Variants in FANCC observed in about 807,000 individuals in gnomAD.
FANCC encodes the protein FA complementation group C.
Under a neutral mutation model 71.3 loss-of-function variants are expected in FANCC, and 55 were observed. The observed-to-expected ratio is 0.77, with a 90% CI of 0.62 to 0.97. The LOEUF (loss-of-function observed/expected upper bound fraction) is 0.97. FANCC is among the 50% of genes least tolerant of loss of function. The probability of loss-of-function intolerance (pLI) is 0.00; values close to 1 mark genes in which losing one functional copy is unlikely to be tolerated. For missense variants in FANCC, 678 were observed against 670.9 expected (o/e 1.01, Z -0.12); for synonymous variants, 275 against 244.9 (o/e 1.12, Z -1.15).
chr9:95,247,845 T>C (rs1263270996), intron 2 of FANCC, among the ~76,000 whole-genome samples: 1 of 152,190 alleles, frequency 6.6e-6, no homozygotes, highest in Non-Finnish European at 1.5e-5. Context: ...TGCTTAAGAG[T>C]TGAAAACACA....
At chr9:95,314,595 T>C (rs1588458070) in intron 1 of FANCC, among the ~76,000 whole-genome samples, 1 of 151,652 alleles carries the variant, frequency 6.6e-6, no homozygotes, top group East Asian at 1.9e-4. Context: ...GAGATTGCAG[T>C]GAGCCGAGAT....
intron 8 of FANCC, among the ~76,000 whole-genome samples, chr9:95,131,725 C>T (rs1319305627): frequency 1.3e-5 from 2 of 152,158 alleles, no homozygotes; most frequent in African/African-American, 4.8e-5. Context: ...GAAAAGAAAA[C>T]CCTGGCATGT....
chr9:95,127,502 C>A (rs1478060316), intron 8 of FANCC: 1 of 152,310 alleles, frequency 6.6e-6, no homozygotes, highest in African/African-American at 2.4e-5. Flanking sequence ...CAGGATGGGG[C>A]TCTGGTTCCG....
chr9:95,138,459 G>A (rs182530299), intron 7 of FANCC, among the ~76,000 whole-genome samples: 282 of 152,360 alleles, frequency 1.9e-3, no homozygotes, highest in Non-Finnish European at 3.5e-3. Flanking sequence ...CCTGGGTGTG[G>A]AGAGGGTGCT....
chr9:95,107,788 G>A (rs998061085), intron 13 of FANCC, among the ~76,000 whole-genome samples: 1 of 152,114 alleles, frequency 6.6e-6, no homozygotes, highest in African/African-American at 2.4e-5. Context: ...ATACACACAT[G>A]CATGCACACA....
chr9:95,170,065 T>C (rs1301136239), intron 6 of FANCC, among the ~76,000 whole-genome samples: 1 of 152,220 alleles, frequency 6.6e-6, no homozygotes, highest in African/African-American at 2.4e-5. Flanking sequence ...ATGCATATTT[T>C]GGGAGTTTGG....
intron 1 of FANCC, chr9:95,292,976 C>T (rs972714589): frequency 2.3e-5 from 37 of 1,578,162 alleles, no homozygotes; most frequent in South Asian, 5.5e-5. Flanking sequence ...GAACTGGCCA[C>T]GAGATCCCTG....
chr9:95,106,975 A>T, intron 14 of FANCC, 91 bp downstream of exon 14: 1 of 1,258,482 alleles, frequency 7.9e-7, no homozygotes, highest in Non-Finnish European at 1.1e-6. Context: ...TGGTACACAC[A>T]CTGTGCAGAG....
chr9:95,274,984 G>C (rs190729617), intron 1 of FANCC, among the ~76,000 whole-genome samples: 82 of 151,968 alleles, frequency 5.4e-4, no homozygotes, highest in Non-Finnish European at 9.6e-4. Flanking sequence ...ATAAAAACAG[G>C]CCAGGCGTGG....
chr9:95,256,327 G>C (rs1831654532), intron 1 of FANCC, among the ~76,000 whole-genome samples: 1 of 152,224 alleles, frequency 6.6e-6, no homozygotes, highest in East Asian at 1.9e-4. Context: ...AAGTCCATCA[G>C]ACTAACAGCG....
At chr9:95,207,061 A>G (rs1230594684) in intron 4 of FANCC, among the ~76,000 whole-genome samples, 3 of 152,124 alleles carry the variant, frequency 2.0e-5, no homozygotes. Context: ...GATAATATCA[A>G]GTTTGTTTTT....
intron 6 of FANCC, among the ~76,000 whole-genome samples, chr9:95,158,088 T>C (rs988578859): frequency 6.6e-6 from 1 of 152,022 alleles, no homozygotes; most frequent in Non-Finnish European, 1.5e-5. Context: ...GCTACATGAG[T>C]GATGCACACA....
In FANCC at chr9:95,149,956, T is replaced by A. The variant is rs780879551; in HGVS notation, c.653A>T (p.Glu218Val). 3 of 1,611,154 alleles carry A rather than the reference T, an allele frequency of 1.9e-6. No individual in the cohort carries two copies. Among genetic ancestry groups the A allele is most frequent in the African/African-American group, 1.3e-5 (1 of 74,992 alleles). Residue 218 changes from glutamate (E) to valine (V), a missense_variant, in exon 7 of 15, where the codon GAG (glutamate) becomes GTG (valine). Transcript: ENST00000289081. The stretch of plus-strand genomic sequence containing the variant: ...GGCCTCGTTTACAGCCTCAAAGAAC[T>A]CTGGCTGGAGGATTTCCTGAGGTTC... The part of the protein sequence containing the change: ...GREPQEILQP[E>V]FFEAVNEAIL...
At chr9:95,174,193 CA>C (rs1825866953) in intron 4 of FANCC, among the ~76,000 whole-genome samples, 1 of 152,084 alleles carries the variant, frequency 6.6e-6, no homozygotes, top group Admixed American at 6.5e-5. Context: ...TGAAGGCTTC[CA>C]AGGTGATGCC....
intron 1 of FANCC, among the ~76,000 whole-genome samples, chr9:95,262,791 GA>G (rs1322229193): frequency 6.6e-6 from 1 of 152,210 alleles, no homozygotes; most frequent in African/African-American, 2.4e-5. Flanking sequence ...CCTTAAAAAG[GA>G]ATGTAATTCT....
At chr9:95,115,233 C>T (rs530124115) in intron 11 of FANCC, among the ~76,000 whole-genome samples, 5 of 152,346 alleles carry the variant, frequency 3.3e-5, no homozygotes, top group South Asian at 2.1e-4. Context: ...TTAATCACCA[C>T]GCTTGCCCTC....
At chr9:95,139,960 G>C (rs1446906313) in intron 7 of FANCC, among the ~76,000 whole-genome samples, 1 of 151,502 alleles carries the variant, frequency 6.6e-6, no homozygotes. Context: ...CAATACGTTA[G>C]TGACAGAAAC....
chr9:95,272,355 T>C (rs1344375254), intron 1 of FANCC, among the ~76,000 whole-genome samples: 3 of 152,220 alleles, frequency 2.0e-5, no homozygotes, highest in Non-Finnish European at 2.9e-5. Context: ...CTCAATGATA[T>C]ATTTTTCTAT....
intron 4 of FANCC, among the ~76,000 whole-genome samples, chr9:95,216,955 C>T (rs1007260751): frequency 6.6e-6 from 1 of 152,136 alleles, no homozygotes; most frequent in Non-Finnish European, 1.5e-5. Flanking sequence ...CCACAGTCTT[C>T]GATAATTATC....
Sources: gnomAD v4.1 joint callset for allele counts (sites outside exome capture counted in the v4.1 genomes callset) on GRCh38, gnomAD v4.1.1 for gene constraint, MANE v1.5 for transcripts, NCBI Gene and HGNC (gene_info 2026-07-23, HGNC 2026-07-21) for gene names.